The following PYCR1 variants were observed in gnomAD, a reference collection of about 807,000 sequenced individuals.
The protein encoded by PYCR1 is pyrroline-5-carboxylate reductase 1, mitochondrial.
PYCR1 carries 19 observed loss-of-function variants against 22.9 expected under a neutral mutation model. That is an observed-to-expected ratio of 0.83 (90% CI 0.58 to 1.22). The LOEUF is 1.22. Ranked by LOEUF, PYCR1 falls within the 50% of genes most tolerant of loss-of-function variation. The probability of loss-of-function intolerance (pLI) is 0.00; values close to 1 mark genes in which losing one functional copy is unlikely to be tolerated. For synonymous variants in PYCR1, 175 were observed against 180.5 expected (o/e 0.97, Z 0.24); for missense variants, 429 against 431.3 (o/e 0.99, Z 0.05).
chr17:81,937,102 G>GA lies in PYCR1; in HGVS notation c.-289dup, dbSNP rs1478071814. The GA allele has an allele frequency of 8.4e-6, 12 of 1,431,278 alleles. No homozygotes were observed. In the Admixed American group the frequency reaches 8.5e-5, roughly 10 times the overall value. The allele number at this position is 1,431,278 out of a possible 1,614,324, so 88.7% of individuals were successfully genotyped here. On this transcript the variant is annotated 5_prime_UTR_variant, in exon 1 of 7. Transcript: ENST00000329875. ...CGCAGAAGAAATGACTGGGAAGGGG[G>GA]AAAAGTACGGGGAGAGGGAGGGCCC...
intron 6 of PYCR1, 33 bp downstream of exon 6, chr17:81,934,293 G>A (rs1430826253): frequency 6.2e-7 from 1 of 1,611,598 alleles, no homozygotes; most frequent in African/African-American, 1.3e-5. Flanking sequence ...GCAAGGACTG[G>A]AGACCAGGGA....
Position 81,935,070 on chromosome 17 carries a change from G to A in PYCR1, c.396C>T (p.Ala132=). 6.2e-7 allele frequency: 1 copy of A among 1,610,626 alleles called. No homozygotes were observed. Among genetic ancestry groups the A allele is most frequent in the Non-Finnish European group, 8.5e-7 (1 of 1,179,994 alleles). The change falls in exon 4 of 7, where the codon GCC becomes GCT. Residue 132 remains alanine (A), a synonymous_variant. Coordinates refer to ENST00000329875, the MANE Select transcript of PYCR1 (RefSeq NM_006907.4). ...CGTGCGTGCCTGTGGCATACACGGT[G>A]GCCCCCTCCCGCACCACGACTGGAG... is the stretch of plus-strand genomic sequence containing the variant. ...TNTPVVVREG[A]TVYATGTHAQ...
intron 2 of PYCR1, 123 bp downstream of exon 2, chr17:81,936,000 T>A: frequency 9.4e-7 from 1 of 1,062,306 alleles, no homozygotes; most frequent in East Asian, 2.5e-5. Flanking sequence ...GGAGGTGGGG[T>A]CCATGAGACC....
At position 81,934,958 on chromosome 17, in the gene PYCR1, C is replaced by G; in HGVS notation, c.508G>C (p.Val170Leu). The G allele has an allele frequency of 1.2e-6, 2 of 1,609,460 alleles. No individual in the cohort carries two copies. The highest frequency in any genetic ancestry group is 2.2e-5 in the South Asian group (2 of 90,998). Residue 170 changes from valine (V) to leucine (L), a missense_variant, in exon 4 of 7, where the codon GTC becomes CTC. Physicochemically the swap from Val to Leu is conservative, Grantham distance 32. Transcript: ENST00000329875. Reference protein sequence around the residue: ...TEVEEDLIDAVTGLSGSGPAY... With the variant: ...TEVEEDLIDALTGLSGSGPAY... ...GGGCCGCTGCCACTGAGCCCCGTGA[C>G]GGCATCAATCAGGTCCTCTTCCACC...
At chr17:81,934,020 ACCCCACTGGTGTGG>A (rs540989486) in intron 6 of PYCR1, among the ~76,000 whole-genome samples, 11 of 152,228 alleles carry the variant, frequency 7.2e-5, no homozygotes, top group African/African-American at 2.6e-4. Context: ...CCACCCCGCC[ACCCCACTGGTGTGG>A]CCCCTGGCTC....
chr17:81,934,280 C>A, intron 6 of PYCR1, 46 bp downstream of exon 6: 1 of 1,608,902 alleles, frequency 6.2e-7, no homozygotes, highest in South Asian at 1.1e-5. Flanking sequence ...AGGCCTCTGC[C>A]ATGCAAGGAC....
At position 81,933,279 on chromosome 17, in the gene PYCR1, C is replaced by G; in HGVS notation, c.895G>C (p.Ala299Pro). The change falls in exon 7 of 7, where the codon GCT (alanine) becomes CCT (proline). Residue 299 changes from alanine to proline, a missense_variant. Transcript: ENST00000329875. ...KVKLDSPAGTALSPSGHTKLL... is the reference protein window; with the variant it reads ...KVKLDSPAGTPLSPSGHTKLL... ...TTGGTGTGGCCAGAAGGTGACAGAG[C>G]GGTCCCTGCAGGGGAGTCCAGCTTC... 6.2e-7 allele frequency: 1 copy of G among 1,613,982 alleles called. No homozygotes were observed. The highest frequency in any genetic ancestry group is 8.5e-7 in the Non-Finnish European group (1 of 1,179,962).
rs1257941567 is a variant in PYCR1, at chr17:81,937,224, C to G, written c.-410G>C. ...ACCGCCGCCCACCATTCCCGGAGCC[C>G]GACCCCAACCCAGCTACCGTGCGCG... On this transcript the variant is annotated 5_prime_UTR_variant, in exon 1 of 7. Coordinates refer to ENST00000329875, the MANE Select transcript of PYCR1 (RefSeq NM_006907.4). 3.4e-6 allele frequency: 5 copies of G among 1,469,502 alleles called. No individual in the cohort carries two copies. Among genetic ancestry groups the G allele is most frequent in the Non-Finnish European group, 4.5e-6 (5 of 1,114,212 alleles). 91.0% of individuals were successfully genotyped at this position (1,469,502 alleles called of 1,614,324 possible).
At chr17:81,936,036 G>A in intron 2 of PYCR1, 87 bp downstream of exon 2, 1 of 1,443,458 alleles carries the variant, frequency 6.9e-7, no homozygotes, top group Non-Finnish European at 9.7e-7. Context: ...TGCCCTCACT[G>A]GGGTGGGGGC....
In PYCR1 at chr17:81,936,140, T is replaced by C; in HGVS notation, c.121A>G (p.Thr41Ala). The change falls in exon 2 of 7, where the codon ACA becomes GCA. Residue 41 changes from threonine (T) to alanine (A), a missense_variant. Transcript: ENST00000329875. The stretch of plus-strand genomic sequence containing the variant: ...GCACCTACCCTGAGAGCAGAAACTG[T>C]GGCCAGGTCCATGTCTGGGGAGCTA... ...MASSPDMDLATVSALRKMGVK... is the reference protein window; with the variant it reads ...MASSPDMDLAAVSALRKMGVK... The C allele has an allele frequency of 6.2e-7, 1 of 1,613,708 alleles. No homozygotes were observed. The highest frequency in any genetic ancestry group is 8.5e-7 in the Non-Finnish European group (1 of 1,179,750).
At chr17:81,936,519 C>T (rs543895906) in intron 1 of PYCR1, among the ~76,000 whole-genome samples, 5 of 152,344 alleles carry the variant, frequency 3.3e-5, no homozygotes, top group Admixed American at 2.6e-4. Context: ...GCCACCGCGC[C>T]CGGCCGGAAA....
At chr17:81,933,671 G>A (rs1376416623) in intron 6 of PYCR1, among the ~76,000 whole-genome samples, 2 of 152,212 alleles carry the variant, frequency 1.3e-5, no homozygotes, top group Non-Finnish European at 2.9e-5. Context: ...CTGGAGGTGA[G>A]GCCAGGCCCC....
At position 81,937,282 on chromosome 17, in the gene PYCR1, A is replaced by T; in HGVS notation, c.-468T>A. ...CCCACCCCTCAGCGCTGCGGCCGCC[A>T]CGCGGCACCCGCACCCAGGCCCCGC... On this transcript the variant is annotated 5_prime_UTR_variant, in exon 1 of 7. Transcript: ENST00000329875. 1.7e-6 allele frequency: 2 copies of T among 1,162,552 alleles called. No homozygotes were observed. Among genetic ancestry groups the T allele is most frequent in the Non-Finnish European group, 2.2e-6 (2 of 920,156 alleles). 72.0% of individuals were successfully genotyped at this position (1,162,552 alleles called of 1,614,324 possible).
At chr17:81,933,595 C>A (rs1192689245) in intron 6 of PYCR1, among the ~76,000 whole-genome samples, 2 of 151,934 alleles carry the variant, frequency 1.3e-5, no homozygotes, top group African/African-American at 4.9e-5. Context: ...CCCCGCAGTG[C>A]CCCCCAGACC....
intron 1 of PYCR1, among the ~76,000 whole-genome samples, chr17:81,936,523 C>T (rs1283400191): frequency 1.3e-5 from 2 of 152,248 alleles, no homozygotes; most frequent in Non-Finnish European, 2.9e-5. Flanking sequence ...CCGCGCCCGG[C>T]CGGAAACAGT....
rs138792028 is a variant in PYCR1, at chr17:81,935,088, G to A, written c.378C>T (p.Val126=). 24 of 1,610,560 alleles carry A rather than the reference G, an allele frequency of 1.5e-5. No homozygotes were observed. The highest frequency in any genetic ancestry group is 1.8e-4 in the Middle Eastern group (1 of 5,514). ...ACACGGTGGCCCCCTCCCGCACCACGACTGGAGTGTTGGTCATGCAGCGGA... is the reference window on the plus strand; with the variant it reads ...ACACGGTGGCCCCCTCCCGCACCACAACTGGAGTGTTGGTCATGCAGCGGA... ...RVIRCMTNTP[V]VVREGATVYA... is the part of the protein sequence containing the mutation. The change falls in exon 4 of 7, where the codon GTC becomes GTT. Residue 126 remains valine, a synonymous_variant. Transcript: ENST00000329875.
chr17:81,935,372 A>T lies in PYCR1; in HGVS notation c.283T>A (p.Cys95Ser). Residue 95 changes from cysteine (C) to serine (S), a missense_variant, in exon 3 of 7, where the codon TGC (cysteine) becomes AGC (serine). Physicochemically the swap from Cys to Ser is moderately radical, Grantham distance 112. Coordinates refer to ENST00000329875, the MANE Select transcript of PYCR1 (RefSeq NM_006907.4). ...DIEDRHIVVS[C>S]AAGVTISSIE... ...GAGCTGATGGTGACGCCGGCCGCGC[A>T]GGACACCACAATGTGTCTGTCCTCA... The T allele has an allele frequency of 6.2e-7, 1 of 1,613,188 alleles. No individual in the cohort carries two copies. Among genetic ancestry groups the T allele is most frequent in the Non-Finnish European group, 8.5e-7 (1 of 1,180,008 alleles).
Position 81,937,081 on chromosome 17 carries a change from G to A in PYCR1, c.-267C>T. ...CCACTGGAGGGGTGGAGGTTCCGCA[G>A]AAGAAATGACTGGGAAGGGGGAAAA... is the stretch of plus-strand genomic sequence containing the variant. On this transcript the variant is annotated 5_prime_UTR_variant, in exon 1 of 7. Transcript: ENST00000329875. The A allele has an allele frequency of 1.4e-6, 2 of 1,429,260 alleles. No homozygotes were observed. Among genetic ancestry groups the A allele is most frequent in the Non-Finnish European group, 1.8e-6 (2 of 1,095,008 alleles). 88.5% of individuals were successfully genotyped at this position (1,429,260 alleles called of 1,614,324 possible). A position where few individuals can be genotyped will look rare whatever the true frequency, so the allele number is the denominator to read the frequency against.
chr17:81,932,751 G>A lies in PYCR1; in HGVS notation c.*463C>T, dbSNP rs544116782. 55 of 1,338,756 alleles carry A rather than the reference G, an allele frequency of 4.1e-5. No homozygotes were observed. In the African/African-American group the frequency reaches 6.1e-4, roughly 15 times the overall value. The allele number at this position is 1,338,756 out of a possible 1,614,324, so 82.9% of individuals were successfully genotyped here. A position where few individuals can be genotyped will look rare whatever the true frequency, so the allele number is the denominator to read the frequency against. On this transcript the variant is annotated 3_prime_UTR_variant, in exon 7 of 7. Coordinates refer to ENST00000329875, the MANE Select transcript of PYCR1 (RefSeq NM_006907.4). ...CCTTCACGCTGGACTTGGGATGCCT[G>A]GACCCTCTGGCCCTTCTCACACGGG...
Sources: gnomAD v4.1 joint callset for allele counts (sites outside exome capture counted in the v4.1 genomes callset) on GRCh38, gnomAD v4.1.1 for gene constraint, MANE v1.5 for transcripts, NCBI Gene and HGNC (gene_info 2026-07-23, HGNC 2026-07-21) for gene names.